The following LRRC8C variants were observed in gnomAD, a reference collection of about 807,000 sequenced individuals.
LRRC8C encodes volume-regulated anion channel subunit LRRC8C.
LRRC8C carries 20 observed loss-of-function variants against 55.3 expected under a neutral mutation model. The ratio of observed to expected loss-of-function variants is 0.36; its 90% CI spans 0.25 to 0.53. The LOEUF (loss-of-function observed/expected upper bound fraction) is 0.53, where lower values mean the gene tolerates loss of function less well. LRRC8C is among the 20% of genes least tolerant of loss of function. LRRC8C has a pLI of 0.92. For synonymous variants in LRRC8C, 376 were observed against 360.7 expected (o/e 1.04, Z -0.48); for missense variants, 659 against 951.4 (o/e 0.69, Z 4.04).
intron 2 of LRRC8C, among the ~76,000 whole-genome samples, chr1:89,697,568 C>T (rs550051262): frequency 6.6e-6 from 1 of 152,080 alleles, no homozygotes; most frequent in Non-Finnish European, 1.5e-5. Context: ...TTCAAACAAC[C>T]GAAACAAATA....
intron 1 of LRRC8C, among the ~76,000 whole-genome samples, chr1:89,685,775 A>C (rs1440433729): frequency 6.6e-6 from 1 of 152,146 alleles, no homozygotes; most frequent in East Asian, 1.9e-4. Context: ...AGCGGAGAAA[A>C]TTAGGATAAG....
At chr1:89,707,414 C>CA (rs144134392) in intron 2 of LRRC8C, among the ~76,000 whole-genome samples, 6,423 of 151,186 alleles carry the variant, frequency 0.042, 481 homozygotes, top group African/African-American at 0.15. Context: ...CTAAAAAAAA[C>CA]AAAAACAAAA....
chr1:89,708,430 T>TA (rs1187895993), intron 2 of LRRC8C: 1 of 151,950 alleles, frequency 6.6e-6, no homozygotes. Flanking sequence ...ATCTTTACAT[T>TA]ACTGGGTAAA....
At chr1:89,630,998 A>G (rs1298473938), upstream of LRRC8C, among the ~76,000 whole-genome samples, 2 of 152,266 alleles carry the variant, frequency 1.3e-5, no homozygotes, top group African/African-American at 4.8e-5. Context: ...ACACAAGAGT[A>G]GCCAAAAGTA....
At position 89,701,024 on chromosome 1, in the gene LRRC8C, G is replaced by A. The variant is rs190669051; in HGVS notation, c.139-11685G>A. ...AAGTCCAAGCTGGTAGCTCATGCCT[G>A]TAATCCCAGCATTTTGGGGGTCCAA... On this transcript the variant is annotated intron_variant, in intron 2 of 2. Coordinates refer to ENST00000370454, the MANE Select transcript of LRRC8C (RefSeq NM_032270.5). Among the ~76,000 whole-genome samples the A allele has an allele frequency of 8.1e-4, 124 of 152,312 alleles. 1 individual carries two copies. The highest frequency in any genetic ancestry group is 3.4e-3 in the Middle Eastern group (1 of 294).
intron 1 of LRRC8C, among the ~76,000 whole-genome samples, chr1:89,680,279 G>C (rs757898352): frequency 1.3e-5 from 2 of 151,662 alleles, no homozygotes; most frequent in Non-Finnish European, 2.9e-5. Context: ...GGGTTTCACC[G>C]TGTTAGCCAG....
intron 1 of LRRC8C, among the ~76,000 whole-genome samples, chr1:89,656,924 A>T (rs1043738239): frequency 6.6e-6 from 1 of 152,264 alleles, no homozygotes; most frequent in African/African-American, 2.4e-5. Context: ...CAATTTTCAC[A>T]TTTACTGCCG....
intron 2 of LRRC8C, among the ~76,000 whole-genome samples, chr1:89,710,784 G>T (rs1349420254): frequency 2.0e-5 from 3 of 152,166 alleles, no homozygotes; most frequent in Non-Finnish European, 4.4e-5. Flanking sequence ...TGTAAAATGT[G>T]ACTTGTTTGT....
In LRRC8C at chr1:89,642,755, G is replaced by A. The variant is rs532657813; in HGVS notation, c.-5+9433G>A. ...CCCGGCTACGCGGGAGGCTGAGGCA[G>A]AGAATTGCTTAAACCCGGGAGGTGG... On this transcript the variant is annotated intron_variant, in intron 1 of 2. Transcript: ENST00000370454. 3.4e-4 allele frequency among the ~76,000 whole-genome samples: 51 copies of A among 152,122 alleles called. 4 individuals carry two copies. In the South Asian group the frequency reaches 0.01, roughly 30 times the overall value.
intron 2 of LRRC8C, among the ~76,000 whole-genome samples, chr1:89,688,629 G>A (rs1657945649): frequency 6.6e-6 from 1 of 152,152 alleles, no homozygotes; most frequent in South Asian, 2.1e-4. Context: ...AAGAGCAAGA[G>A]GCACATAGTG....
At chr1:89,698,113 A>G (rs1452844656) in intron 2 of LRRC8C, among the ~76,000 whole-genome samples, 2 of 152,138 alleles carry the variant, frequency 1.3e-5, no homozygotes, top group African/African-American at 2.4e-5. Context: ...CAAATCTGGT[A>G]CTCTCTTTGT....
chr1:89,668,658 A>G (rs930365646), intron 1 of LRRC8C, among the ~76,000 whole-genome samples: 1 of 152,202 alleles, frequency 6.6e-6, no homozygotes, highest in African/African-American at 2.4e-5. Context: ...GAGCTTGGAC[A>G]TTGGAATCTG....
chr1:89,699,768 C>T (rs987851128), intron 2 of LRRC8C, among the ~76,000 whole-genome samples: 9 of 152,144 alleles, frequency 5.9e-5, no homozygotes, highest in African/African-American at 1.9e-4. Context: ...ACATAATGCA[C>T]AGCAAGAGTT....
chr1:89,692,333 CTT>C (rs1440048068), intron 2 of LRRC8C, among the ~76,000 whole-genome samples: 1 of 152,180 alleles, frequency 6.6e-6, no homozygotes, highest in Non-Finnish European at 1.5e-5. Context: ...GAAGAACACT[CTT>C]TGATGATAAA....
chr1:89,691,565 G>A (rs1030818392), intron 2 of LRRC8C, among the ~76,000 whole-genome samples: 1 of 152,198 alleles, frequency 6.6e-6, no homozygotes, highest in Non-Finnish European at 1.5e-5. Flanking sequence ...AAGAGAACCT[G>A]TGCTAGAATC....
At chr1:89,674,743 C>T (rs1036600078) in intron 1 of LRRC8C, among the ~76,000 whole-genome samples, 3 of 152,216 alleles carry the variant, frequency 2.0e-5, no homozygotes, top group Non-Finnish European at 4.4e-5. Context: ...ATTAGTCAAC[C>T]GTTAGTGTTT....
In LRRC8C at chr1:89,686,496, G is replaced by A. The variant is rs1306500477; in HGVS notation, c.23G>A (p.Arg8Gln). ...AACATGATTCCCGTGACAGAATTCC[G>A]GCAGTTCTCTGAGCAGCAGCCTGCC... MIPVTEF[R>Q]QFSEQQPAFR... Residue 8 changes from arginine (R) to glutamine (Q), a missense_variant, in exon 2 of 3, where the codon CGG becomes CAG. This residue lies in a region of LRRC8C where 16 missense variants were observed against 16.6 expected (regional missense o/e 0.96). Coordinates refer to ENST00000370454, the MANE Select transcript of LRRC8C (RefSeq NM_032270.5). 1.7e-5 allele frequency: 28 copies of A among 1,613,946 alleles called. No individual in the cohort carries two copies. The highest frequency in any genetic ancestry group is 1.6e-4 in the East Asian group (7 of 44,900).
intron 2 of LRRC8C, among the ~76,000 whole-genome samples, chr1:89,686,985 AC>A (rs1657902900): frequency 6.6e-6 from 1 of 151,974 alleles, no homozygotes; most frequent in South Asian, 2.1e-4. Context: ...CTTTACCCTT[AC>A]CCCTAATAAG....
chr1:89,644,937 A>G (rs1656572473), intron 1 of LRRC8C, among the ~76,000 whole-genome samples: 1 of 152,190 alleles, frequency 6.6e-6, no homozygotes, highest in South Asian at 2.1e-4. Context: ...AGTATTTTCC[A>G]AAGGGAAATA....
Sources: allele counts gnomAD v4.1 joint callset (sites outside exome capture counted in the v4.1 genomes callset), GRCh38; gene constraint gnomAD v4.1.1; regional missense constraint gnomAD v4.1.1; transcripts MANE v1.5; gene names NCBI Gene and HGNC (gene_info 2026-07-23, HGNC 2026-07-21).